PPFIA2: variants seen among roughly 807,000 people sequenced by gnomAD.
The protein encoded by PPFIA2 is liprin-alpha-2.
Under a neutral mutation model 175.5 loss-of-function variants are expected in PPFIA2, and 46 were observed. The ratio of observed to expected loss-of-function variants is 0.26; its 90% confidence interval spans 0.21 to 0.34. The LOEUF (loss-of-function observed/expected upper bound fraction) is 0.34. PPFIA2 is among the 10% of genes least tolerant of loss of function. The pLI is 1.00. For missense variants in PPFIA2, 1,179 were observed against 1,506.1 expected (o/e 0.78, Z 3.60); for synonymous variants, 568 against 511.4 (o/e 1.11, Z -1.49).
intron 22 of PPFIA2, among the ~76,000 whole-genome samples, chr12:81,314,512 T>C (rs982141168): frequency 6.6e-6 from 1 of 151,910 alleles, no homozygotes; most frequent in Non-Finnish European, 1.5e-5. Context: ...GATCCAATTA[T>C]TGACATTATG....
At chr12:81,565,816 G>T (rs562073453) in intron 4 of PPFIA2, among the ~76,000 whole-genome samples, 1 of 152,194 alleles carries the variant, frequency 6.6e-6, no homozygotes, top group South Asian at 2.1e-4. Flanking sequence ...TACAAGCTCT[G>T]CCCCCCAAAA....
chr12:81,661,423 A>C (rs566224370), intron 4 of PPFIA2, among the ~76,000 whole-genome samples: 18 of 152,330 alleles, frequency 1.2e-4, no homozygotes, highest in Non-Finnish European at 1.9e-4. Context: ...AACAGACTTT[A>C]AACCAACAAA....
intron 4 of PPFIA2, among the ~76,000 whole-genome samples, chr12:81,606,661 T>C (rs764708961): frequency 5.3e-5 from 8 of 152,048 alleles, no homozygotes; most frequent in Non-Finnish European, 7.4e-5. Context: ...TTTAATGAGG[T>C]TATTTGTTTT....
intron 4 of PPFIA2, among the ~76,000 whole-genome samples, chr12:81,508,855 A>C (rs929787205): frequency 3.4e-5 from 5 of 147,562 alleles, no homozygotes; most frequent in Non-Finnish European, 7.4e-5. Flanking sequence ...ATGAGTGAGA[A>C]TATGCGGTGT....
At chr12:81,437,856 T>C (rs2049369329) in intron 7 of PPFIA2, among the ~76,000 whole-genome samples, 1 of 152,078 alleles carries the variant, frequency 6.6e-6, no homozygotes, top group Non-Finnish European at 1.5e-5. Context: ...TCAAAGACTG[T>C]GTACTCCTTC....
At chr12:81,683,493 G>A (rs536963583) in intron 3 of PPFIA2, among the ~76,000 whole-genome samples, 1 of 151,902 alleles carries the variant, frequency 6.6e-6, no homozygotes, top group African/African-American at 2.4e-5. Flanking sequence ...ACCCTAAATG[G>A]TTTCCCAGCA....
chr12:81,627,021 A>T (rs1262534567), intron 4 of PPFIA2, among the ~76,000 whole-genome samples: 4 of 152,072 alleles, frequency 2.6e-5, no homozygotes. Context: ...TGGTATTATC[A>T]ATGATTATGC....
At position 81,439,992 on chromosome 12, in the gene PPFIA2, GTTC is replaced by G. The variant is rs1402226175; in HGVS notation, c.622_624del (p.Glu208del). On this transcript the variant is annotated inframe_deletion, in exon 7 of 33. Transcript: ENST00000549396. ...GTTACCTCCTGATTAGCAGCAGCTA[GTTC>G]TTCTTCCAGTGCAGAGACTCTTTCT... is the stretch of plus-strand genomic sequence containing the variant. The G allele has an allele frequency of 6.2e-7, 1 of 1,606,808 alleles. No homozygotes were observed. The highest frequency in any genetic ancestry group is 1.3e-5 in the African/African-American group (1 of 74,386).
intron 4 of PPFIA2, among the ~76,000 whole-genome samples, chr12:81,608,956 C>T (rs1056946541): frequency 4.0e-4 from 61 of 151,870 alleles, no homozygotes; most frequent in African/African-American, 1.4e-3. Context: ...CTTAACATTG[C>T]TTCAGTTGTA....
At chr12:81,499,986 T>A (rs192849098) in intron 4 of PPFIA2, among the ~76,000 whole-genome samples, 2 of 152,162 alleles carry the variant, frequency 1.3e-5, no homozygotes, top group East Asian at 3.9e-4. Context: ...ACTCTTAAAC[T>A]AAAGGACATG....
intron 3 of PPFIA2, among the ~76,000 whole-genome samples, chr12:81,707,826 G>A (rs993498188): frequency 6.6e-6 from 1 of 150,648 alleles, no homozygotes; most frequent in Non-Finnish European, 1.5e-5. Flanking sequence ...TATACACCAT[G>A]GAATACTATG....
At chr12:81,728,398 T>G (rs1055547868) in intron 3 of PPFIA2, among the ~76,000 whole-genome samples, 5 of 151,470 alleles carry the variant, frequency 3.3e-5, no homozygotes, top group African/African-American at 1.2e-4. Flanking sequence ...CCAAACATCT[T>G]TATGCTCAGT....
At chr12:81,400,433 TTCTA>T (rs2041922215) in intron 8 of PPFIA2, among the ~76,000 whole-genome samples, 1 of 152,204 alleles carries the variant, frequency 6.6e-6, no homozygotes. Context: ...TGAACAGTAG[TTCTA>T]TAATAAAAAT....
intron 16 of PPFIA2, 97 bp downstream of exon 16, chr12:81,357,985 G>T (rs1380659398): frequency 8.3e-7 from 1 of 1,203,928 alleles, no homozygotes; most frequent in Non-Finnish European, 1.1e-6. Context: ...TAATAAAAAT[G>T]CTAGCATTTT....
intron 4 of PPFIA2, among the ~76,000 whole-genome samples, chr12:81,504,798 G>A (rs2060970060): frequency 6.6e-6 from 1 of 152,144 alleles, no homozygotes; most frequent in Non-Finnish European, 1.5e-5. Flanking sequence ...TATATACCAT[G>A]GAATACTATG....
intron 15 of PPFIA2, among the ~76,000 whole-genome samples, chr12:81,359,516 C>G (rs558897653): frequency 2.6e-5 from 4 of 151,674 alleles, no homozygotes; most frequent in African/African-American, 9.6e-5. Context: ...GGCAGAGGCT[C>G]TAAGTTTCAT....
intron 28 of PPFIA2, among the ~76,000 whole-genome samples, chr12:81,273,768 A>T (rs2039783409): frequency 2.0e-5 from 3 of 152,098 alleles, no homozygotes; most frequent in Non-Finnish European, 2.9e-5. Flanking sequence ...TATGAGAGGA[A>T]TGCCCACATC....
intron 3 of PPFIA2, among the ~76,000 whole-genome samples, chr12:81,689,426 A>C (rs1309660540): frequency 3.3e-5 from 5 of 152,062 alleles, no homozygotes; most frequent in Non-Finnish European, 7.4e-5. Flanking sequence ...CCAGGATTCT[A>C]TTATGAATAA....
chr12:81,323,739 C>T (rs1594804130), intron 22 of PPFIA2, among the ~76,000 whole-genome samples: 1 of 151,944 alleles, frequency 6.6e-6, no homozygotes, highest in African/African-American at 2.4e-5. Context: ...TAATAAAACT[C>T]ATTATATGAA....
Sources: gnomAD v4.1 joint callset for allele counts (sites outside exome capture counted in the v4.1 genomes callset) on GRCh38, gnomAD v4.1.1 for gene constraint, MANE v1.5 for transcripts, NCBI Gene and HGNC (gene_info 2026-07-23, HGNC 2026-07-21) for gene names.